Variants in NELL1 observed in about 807,000 individuals in gnomAD.
NELL1 encodes protein kinase C-binding protein NELL1.
A neutral mutation model predicts 107.4 loss-of-function variants in NELL1; 76 were observed. The ratio of observed to expected loss-of-function variants is 0.71; its 90% CI spans 0.59 to 0.86. The LOEUF is 0.86. NELL1 is among the 40% of genes least tolerant of loss of function. The pLI, the probability that NELL1 is intolerant of heterozygous loss-of-function variation, is 0.00. For missense variants in NELL1, 1,024 were observed against 1,005.5 expected (o/e 1.02, Z -0.25); for synonymous variants, 353 against 341.2 (o/e 1.03, Z -0.38).
chr11:21,504,221 T>C (rs1013125352), intron 15 of NELL1: 1 of 152,232 alleles, frequency 6.6e-6, no homozygotes, highest in African/African-American at 2.4e-5. Context: ...TAGGGTGCTT[T>C]TTCTGAGTGC....
chr11:20,810,695 T>A (rs1180086967), intron 3 of NELL1, among the ~76,000 whole-genome samples: 2 of 152,216 alleles, frequency 1.3e-5, no homozygotes, highest in Non-Finnish European at 2.9e-5. Context: ...CAAGTTTCTT[T>A]TTTGTATAAT....
chr11:21,301,285 G>A (rs1005217643), intron 14 of NELL1, among the ~76,000 whole-genome samples: 8 of 152,110 alleles, frequency 5.3e-5, no homozygotes, highest in African/African-American at 1.9e-4. Flanking sequence ...GGGTCAAATG[G>A]TATTTCTAGT....
intron 13 of NELL1, among the ~76,000 whole-genome samples, chr11:21,186,055 T>A (rs1856928374): frequency 2.6e-5 from 4 of 151,872 alleles, no homozygotes; most frequent in Non-Finnish European, 5.9e-5. Flanking sequence ...GCTGGATACA[T>A]CTAACCACCA....
At chr11:21,132,347 T>A (rs1486041468) in intron 13 of NELL1, among the ~76,000 whole-genome samples, 2 of 152,166 alleles carry the variant, frequency 1.3e-5, no homozygotes, top group Non-Finnish European at 2.9e-5. Context: ...CCCGTCTAAG[T>A]ATTGCTCAGG....
intron 15 of NELL1, among the ~76,000 whole-genome samples, chr11:21,463,171 G>T (rs1359065497): frequency 1.3e-5 from 2 of 151,958 alleles, no homozygotes; most frequent in African/African-American, 4.8e-5. Context: ...TTAGCAATAT[G>T]CCAAAAGAGG....
chr11:21,570,854 A>G lies in NELL1; in HGVS notation c.2071A>G (p.Thr691Ala). The G allele has an allele frequency of 1.2e-6, 2 of 1,612,108 alleles. No homozygotes were observed. The highest frequency in any genetic ancestry group is 2.2e-5 in the South Asian group (2 of 91,020). ...TTGCCCAGAATGTGACACCAGAGTC[A>G]CAAGTCAATGTTTAGACCAAAATGG... Reference protein sequence around the residue: ...FCCPECDTRVTSQCLDQNGHK... With the variant: ...FCCPECDTRVASQCLDQNGHK... The change falls in exon 18 of 20, where the codon ACA (threonine) becomes GCA (alanine). Residue 691 changes from threonine to alanine, a missense_variant. Coordinates refer to ENST00000357134, the MANE Select transcript of NELL1 (RefSeq NM_006157.5).
chr11:21,071,334 A>T (rs4617578), intron 12 of NELL1, among the ~76,000 whole-genome samples: 120,648 of 152,068 alleles, frequency 0.79, 48,129 homozygotes, highest in East Asian at 1. Context: ...AAATATTACA[A>T]AAGAAAATTA....
Position 21,123,366 on chromosome 11 carries a change from T to TGCGC in NELL1, c.1426+9655_1426+9656insCGCG, listed in dbSNP as rs559250563. Reference sequence around the variant, plus strand: ...GTGTGTGTGTGTGTGTGTGTGTGTGTGCGTTTCCATGTATGTGTAGATCCA... The same window carrying TGCGC: ...GTGTGTGTGTGTGTGTGTGTGTGTGTGCGCGCGTTTCCATGTATGTGTAGATCCA... On this transcript the variant is annotated intron_variant, in intron 13 of 19. Transcript: ENST00000357134. Among the ~76,000 whole-genome samples the TGCGC allele has an allele frequency of 3.8e-4, 56 of 148,550 alleles. No homozygotes were observed. In the East Asian group the frequency reaches 4.6e-3, roughly 12 times the overall value.
At chr11:20,779,872 GA>G (rs1158685157) in intron 2 of NELL1, among the ~76,000 whole-genome samples, 2 of 152,228 alleles carry the variant, frequency 1.3e-5, no homozygotes, top group African/African-American at 4.8e-5. Flanking sequence ...GAGGTTCAGA[GA>G]GGTAAGGTAC....
At chr11:21,384,494 G>T (rs1258382031) in intron 15 of NELL1, among the ~76,000 whole-genome samples, 1 of 151,600 alleles carries the variant, frequency 6.6e-6, no homozygotes, top group East Asian at 2.0e-4. Flanking sequence ...TGTGCAAAAT[G>T]TGCAGGTTAG....
intron 13 of NELL1, among the ~76,000 whole-genome samples, chr11:21,154,506 T>TAACTTA (rs1856188530): frequency 6.6e-6 from 1 of 152,196 alleles, no homozygotes; most frequent in African/African-American, 2.4e-5. Context: ...ACTCCAGAGA[T>TAACTTA]GAATAAACCA....
chr11:21,111,211 A>AT, intron 12 of NELL1, among the ~76,000 whole-genome samples: 1 of 152,086 alleles, frequency 6.6e-6, no homozygotes, highest in Middle Eastern at 3.4e-3. Context: ...TTTATTACAC[A>AT]TTTTGCTCAA....
chr11:20,703,286 G>A (rs1317641072), intron 2 of NELL1, among the ~76,000 whole-genome samples: 1 of 152,176 alleles, frequency 6.6e-6, no homozygotes, highest in Non-Finnish European at 1.5e-5. Flanking sequence ...GTTCATTTAT[G>A]TAGAGGTGTT....
At chr11:21,158,050 A>C (rs1233269173) in intron 13 of NELL1, among the ~76,000 whole-genome samples, 1 of 152,092 alleles carries the variant, frequency 6.6e-6, no homozygotes, top group Non-Finnish European at 1.5e-5. Context: ...GGCTAGGATA[A>C]AAGCAGGCAG....
At chr11:20,989,040 A>ACCAAG (rs1851914656) in intron 12 of NELL1, among the ~76,000 whole-genome samples, 1 of 152,126 alleles carries the variant, frequency 6.6e-6, no homozygotes, top group Non-Finnish European at 1.5e-5. Flanking sequence ...CATCTGTAAC[A>ACCAAG]ATAGTGTCCC....
intron 14 of NELL1, among the ~76,000 whole-genome samples, chr11:21,340,240 C>T (rs559838205): frequency 5.9e-5 from 9 of 152,228 alleles, no homozygotes; most frequent in African/African-American, 1.2e-4. Flanking sequence ...GCAAGCTCTG[C>T]CCCCCAGGTT....
At chr11:21,245,826 C>T (rs1016889626) in intron 14 of NELL1, among the ~76,000 whole-genome samples, 1 of 152,154 alleles carries the variant, frequency 6.6e-6, no homozygotes, top group Non-Finnish European at 1.5e-5. Context: ...TTCTCTTAGA[C>T]TTACCTTTAG....
chr11:21,489,404 A>AAAAAAAAAAAAAAAAAAAAAAAAAC (rs1554922049), intron 15 of NELL1, among the ~76,000 whole-genome samples: 1 of 137,200 alleles, frequency 7.3e-6, no homozygotes, highest in Admixed American at 7.7e-5. Context: ...AAAAAAAAAA[A>AAAAAAAAAAAAAAAAAAAAAAAAAC]AAAACAGAAG....
intron 15 of NELL1, among the ~76,000 whole-genome samples, chr11:21,494,092 A>C (rs1306057718): frequency 6.6e-6 from 1 of 152,026 alleles, no homozygotes; most frequent in Non-Finnish European, 1.5e-5. Context: ...AAAGCCATTT[A>C]CATATAGTAT....
Sources: allele counts gnomAD v4.1 joint callset (sites outside exome capture counted in the v4.1 genomes callset), GRCh38; gene constraint gnomAD v4.1.1; transcripts MANE v1.5; gene names NCBI Gene and HGNC (gene_info 2026-07-23, HGNC 2026-07-21).